The following GALNTL6 variants were observed in gnomAD, a reference collection of about 807,000 sequenced individuals.
GALNTL6 encodes the protein polypeptide N-acetylgalactosaminyltransferase-like 6.
GALNTL6 carries 46 observed loss-of-function variants against 73.7 expected under a neutral mutation model. The observed-to-expected ratio is 0.62, with a 90% CI of 0.49 to 0.80. The LOEUF (loss-of-function observed/expected upper bound fraction) is 0.80. Ranked by LOEUF, GALNTL6 falls within the 30% of genes least tolerant of loss-of-function variation. The probability of loss-of-function intolerance (pLI) is 0.00; values close to 1 mark genes in which losing one functional copy is unlikely to be tolerated. For missense variants in GALNTL6, 604 were observed against 755.0 expected, an observed-to-expected ratio of 0.80 and a Z score of 2.34; for synonymous variants, 259 against 263.7, an observed-to-expected ratio of 0.98 and a Z score of 0.17.
chr4:172,260,012 CAA>C, intron 3 of GALNTL6, among the ~76,000 whole-genome samples: 1 of 149,490 alleles, frequency 6.7e-6, no homozygotes, highest in African/African-American at 2.4e-5. Flanking sequence ...TAACTATAAC[CAA>C]AGTGATGTGA....
intron 4 of GALNTL6, among the ~76,000 whole-genome samples, chr4:172,322,515 G>GTT (rs1318044161): frequency 6.6e-6 from 1 of 152,150 alleles, no homozygotes; most frequent in African/African-American, 2.4e-5. Flanking sequence ...AAAGAAAAAA[G>GTT]TTTTAATTGC....
At chr4:172,967,738 C>A (rs1213642164) in intron 10 of GALNTL6, among the ~76,000 whole-genome samples, 1 of 152,020 alleles carries the variant, frequency 6.6e-6, no homozygotes, top group Non-Finnish European at 1.5e-5. Flanking sequence ...TCTTACTGTG[C>A]CTAATTTATA....
intron 5 of GALNTL6, among the ~76,000 whole-genome samples, chr4:172,715,090 A>G (rs1419761504): frequency 6.6e-6 from 1 of 151,848 alleles, no homozygotes; most frequent in East Asian, 1.9e-4. Context: ...ATATCTAATG[A>G]TTTCAACAAA....
At chr4:172,984,606 A>T (rs1014873698) in intron 10 of GALNTL6, among the ~76,000 whole-genome samples, 2 of 152,038 alleles carry the variant, frequency 1.3e-5, no homozygotes, top group African/African-American at 2.4e-5. Flanking sequence ...GACACTGGGG[A>T]CTCCGAAAGG....
rs531971802 is a variant in GALNTL6 at position 172,408,367 on chromosome 4, T to C, written c.553+59678T>C. Among the ~76,000 whole-genome samples, 38 of 152,124 alleles carry C rather than the reference T, an allele frequency of 2.5e-4. 2 individuals are homozygous for C. The South Asian group carries it at 7.5e-3, about 30-fold the overall frequency. On this transcript the variant is annotated intron_variant, in intron 5 of 12. Coordinates refer to ENST00000506823, the MANE Select transcript of GALNTL6 (RefSeq NM_001034845.3). ...ATAACTGATGGTATAGTATAGACTT[T>C]TAGAGAATGAAAAAGGCCTGTGTTT...
intron 5 of GALNTL6, among the ~76,000 whole-genome samples, chr4:172,586,742 A>G (rs1737426261): frequency 6.6e-6 from 1 of 152,192 alleles, no homozygotes; most frequent in African/African-American, 2.4e-5. Flanking sequence ...CATTTATAGT[A>G]TTTGCTGTTC....
At chr4:171,828,486 C>T (rs751750852) in intron 2 of GALNTL6, among the ~76,000 whole-genome samples, 4 of 152,138 alleles carry the variant, frequency 2.6e-5, no homozygotes, top group African/African-American at 7.2e-5. Context: ...TGATACGTAC[C>T]GTAGATGGAA....
At chr4:172,642,417 C>A (rs2111125836) in intron 5 of GALNTL6, among the ~76,000 whole-genome samples, 1 of 151,918 alleles carries the variant, frequency 6.6e-6, no homozygotes, top group East Asian at 1.9e-4. Flanking sequence ...AGAAAGAAAT[C>A]CTGTCATTTG....
At chr4:172,444,987 ACT>A (rs1731969810) in intron 5 of GALNTL6, among the ~76,000 whole-genome samples, 1 of 152,120 alleles carries the variant, frequency 6.6e-6, no homozygotes, top group Non-Finnish European at 1.5e-5. Context: ...CATGACTGTA[ACT>A]CTGTCATTAA....
chr4:172,538,377 G>A (rs963755958), intron 5 of GALNTL6, among the ~76,000 whole-genome samples: 10 of 151,962 alleles, frequency 6.6e-5, no homozygotes, highest in South Asian at 2.1e-4. Context: ...GGAGAATGGC[G>A]TGAACCCAGG....
rs558499433 is a variant in GALNTL6, at chr4:172,562,122, C to G, written c.553+213433C>G. ...AATTAAAAAGAAGACAAATGTGAAGCCAAAATATTCTCCTCCCAGTTGACC... is the reference window on the plus strand; with the variant it reads ...AATTAAAAAGAAGACAAATGTGAAGGCAAAATATTCTCCTCCCAGTTGACC... On this transcript the variant is annotated intron_variant, in intron 5 of 12. Transcript: ENST00000506823. Among the ~76,000 whole-genome samples the G allele has an allele frequency of 1.3e-3, 195 of 152,078 alleles. 1 individual carries two copies. Among genetic ancestry groups the G allele is most frequent in the Non-Finnish European group, 1.8e-3 (120 of 68,030 alleles).
intron 2 of GALNTL6, among the ~76,000 whole-genome samples, chr4:171,831,673 GA>G (rs1206174561): frequency 1.3e-5 from 2 of 151,802 alleles, no homozygotes; most frequent in Non-Finnish European, 2.9e-5. Context: ...GTATTAGAGG[GA>G]GTTGTTTAAA....
chr4:172,812,418 GA>G (rs1741364177), intron 6 of GALNTL6, among the ~76,000 whole-genome samples: 1 of 152,124 alleles, frequency 6.6e-6, no homozygotes, highest in Non-Finnish European at 1.5e-5. Context: ...CGAATAACAA[GA>G]AGTTCTGCCC....
chr4:173,002,844 C>T (rs560247416), intron 10 of GALNTL6, among the ~76,000 whole-genome samples: 3 of 151,212 alleles, frequency 2.0e-5, no homozygotes, highest in Admixed American at 6.6e-5. Context: ...AATGAAGTTC[C>T]GATACATGCT....
intron 5 of GALNTL6, among the ~76,000 whole-genome samples, chr4:172,562,188 T>C (rs201685673): frequency 6.6e-6 from 1 of 152,094 alleles, no homozygotes; most frequent in Non-Finnish European, 1.5e-5. Flanking sequence ...CTCCAGCCAG[T>C]TGGGAGTATC....
intron 7 of GALNTL6, among the ~76,000 whole-genome samples, chr4:172,882,398 T>G (rs892535112): frequency 1.3e-5 from 2 of 152,210 alleles, no homozygotes; most frequent in Non-Finnish European, 2.9e-5. Context: ...TCAATACTTT[T>G]ATATGTCTGA....
intron 5 of GALNTL6, among the ~76,000 whole-genome samples, chr4:172,808,733 A>C (rs1436128575): frequency 6.6e-6 from 1 of 152,196 alleles, no homozygotes; most frequent in Non-Finnish European, 1.5e-5. Context: ...TTCCAAATTT[A>C]AATAGCTAAG....
intron 5 of GALNTL6, among the ~76,000 whole-genome samples, chr4:172,780,955 C>T (rs574009159): frequency 6.6e-6 from 1 of 152,326 alleles, no homozygotes; most frequent in East Asian, 1.9e-4. Flanking sequence ...CCCAGGACAG[C>T]TAATGATCAA....
chr4:171,849,671 C>G (rs1201141349), intron 2 of GALNTL6, among the ~76,000 whole-genome samples: 1 of 151,848 alleles, frequency 6.6e-6, no homozygotes, highest in African/African-American at 2.4e-5. Flanking sequence ...TATCTGTATA[C>G]CTATTATTAA....
Sources: gnomAD v4.1 joint callset for allele counts (sites outside exome capture counted in the v4.1 genomes callset) on GRCh38, gnomAD v4.1.1 for gene constraint, MANE v1.5 for transcripts, NCBI Gene and HGNC (gene_info 2026-07-23, HGNC 2026-07-21) for gene names.